Variants in COL5A2 observed in about 807,000 individuals in gnomAD.
The protein encoded by COL5A2 is collagen alpha-2(V) chain.
In COL5A2, 23 loss-of-function variants were observed where a neutral mutation model predicts 208.2. The observed-to-expected ratio is 0.11, with a 90% CI of 0.08 to 0.16. COL5A2 has a LOEUF of 0.16. Among genes scored for constraint, COL5A2 ranks in the 10% least tolerant of loss-of-function variants. The pLI, the probability that COL5A2 is intolerant of heterozygous loss-of-function variation, is 1.00. For synonymous variants in COL5A2, 625 were observed against 628.5 expected (o/e 0.99, Z 0.08); for missense variants, 1,590 against 1,956.4 (o/e 0.81, Z 3.53).
At chr2:189,375,762 C>T in the COL5A2 span, among the ~76,000 whole-genome samples, 12 of 152,148 alleles carry the variant, frequency 7.9e-5, no homozygotes, top group Admixed American at 1.3e-4. Context: ...ATTATTTAGA[C>T]ATCTGGAATT....
Position 189,060,787 on chromosome 2 carries a change from A to C in COL5A2, c.2032-4T>G. 6.2e-7 allele frequency: 1 copy of C among 1,612,444 alleles called. No homozygotes were observed. The highest frequency in any genetic ancestry group is 1.3e-5 in the African/African-American group (1 of 74,996). ...GCCCTGGAGGACCAGGAAGCCCCTA[A>C]AACAAAAGTAAGAAAATAAAATTGT... On this transcript the variant is annotated splice_region_variant and splice_polypyrimidine_tract_variant and intron_variant, in intron 30 of 53. Transcript: ENST00000374866.
chr2:189,098,301 T>C (rs1052884067), intron 5 of COL5A2, among the ~76,000 whole-genome samples: 6 of 152,234 alleles, frequency 3.9e-5, no homozygotes, highest in African/African-American at 7.2e-5. Flanking sequence ...TAATCTTTTA[T>C]ACTAAGCCAT....
In COL5A2 at chr2:189,034,027, G is replaced by T. The variant is rs760388119; in HGVS notation, c.*43C>A. 1.2e-6 allele frequency: 2 copies of T among 1,613,040 alleles called. No homozygotes were observed. The highest frequency in any genetic ancestry group is 1.7e-6 in the Non-Finnish European group (2 of 1,179,478). On this transcript the variant is annotated 3_prime_UTR_variant, in exon 54 of 54. Transcript: ENST00000374866. ...GTCAAAGTTCTTGTGAATGGCGGTG[G>T]TCATTGATGGTGGTGCTCATTGTCG...
chr2:189,063,755 G>A (rs1457746486), intron 26 of COL5A2, among the ~76,000 whole-genome samples: 1 of 152,046 alleles, frequency 6.6e-6, no homozygotes, highest in African/African-American at 2.4e-5. Flanking sequence ...CTGATGTCAG[G>A]CAGGGAAGCA....
the COL5A2 span, among the ~76,000 whole-genome samples, chr2:189,252,899 A>T: frequency 6.6e-6 from 1 of 152,194 alleles, no homozygotes; most frequent in Admixed American, 6.5e-5. Context: ...ATTGCAGATG[A>T]TGGGACTGTG....
At chr2:189,310,995 G>C in the COL5A2 span, among the ~76,000 whole-genome samples, 1 of 152,020 alleles carries the variant, frequency 6.6e-6, no homozygotes, top group Admixed American at 6.5e-5. Flanking sequence ...AGTTAGGAGT[G>C]GCTGGCTGGA....
At chr2:189,104,154 G>T in intron 3 of COL5A2, 110 bp downstream of exon 3, 1 of 802,828 alleles carries the variant, frequency 1.2e-6, no homozygotes, top group Non-Finnish European at 2.2e-6. Flanking sequence ...TATTTGTATG[G>T]TACTTTGTAC....
chr2:189,316,262 G>GA, the COL5A2 span, among the ~76,000 whole-genome samples: 1 of 152,154 alleles, frequency 6.6e-6, no homozygotes, highest in Non-Finnish European at 1.5e-5. Context: ...TATATACCAT[G>GA]AAATACTATG....
chr2:189,049,801 T>A (rs925196893), intron 43 of COL5A2, among the ~76,000 whole-genome samples: 12 of 152,306 alleles, frequency 7.9e-5, no homozygotes, highest in South Asian at 2.1e-4. Context: ...TTCATTTTAT[T>A]TCTATATTCT....
the COL5A2 span, among the ~76,000 whole-genome samples, chr2:189,308,621 T>C: frequency 1.3e-5 from 2 of 152,162 alleles, no homozygotes; most frequent in African/African-American, 4.8e-5. Context: ...GGAGGCTTTA[T>C]CTGCATGATA....
intron 1 of COL5A2, among the ~76,000 whole-genome samples, chr2:189,143,593 G>T (rs981597956): frequency 6.6e-6 from 1 of 152,072 alleles, no homozygotes; most frequent in African/African-American, 2.4e-5. Context: ...AATATCCATT[G>T]TGTCCATTAT....
the COL5A2 span, among the ~76,000 whole-genome samples, chr2:189,380,898 C>T: frequency 1.6e-4 from 24 of 151,862 alleles, no homozygotes; most frequent in Non-Finnish European, 3.2e-4. Flanking sequence ...AATATAATAT[C>T]TCTGAGTACT....
the COL5A2 span, among the ~76,000 whole-genome samples, chr2:189,290,651 A>G: frequency 6.6e-6 from 1 of 151,262 alleles, no homozygotes; most frequent in Non-Finnish European, 1.5e-5. Context: ...AACTTTTTCA[A>G]GTTTACCTGA....
the COL5A2 span, among the ~76,000 whole-genome samples, chr2:189,298,463 C>T: frequency 6.6e-6 from 1 of 152,160 alleles, no homozygotes; most frequent in Admixed American, 6.6e-5. Context: ...CTGCTGGGGT[C>T]CCCCTGACCA....
chr2:189,064,100 A>G (rs1686092788), intron 25 of COL5A2, 67 bp from the exon 26 acceptor site: 4 of 1,306,470 alleles, frequency 3.1e-6, no homozygotes, highest in Non-Finnish European at 2.2e-6. Context: ...TCTTAAGAGT[A>G]AAAATAGTGT....
the COL5A2 span, among the ~76,000 whole-genome samples, chr2:189,345,107 G>A: frequency 1.3e-5 from 2 of 152,204 alleles, no homozygotes; most frequent in African/African-American, 4.8e-5. Context: ...AGTCAATCAC[G>A]ACAGGTGAGA....
At chr2:189,392,371 T>C in the COL5A2 span, among the ~76,000 whole-genome samples, 32 of 152,226 alleles carry the variant, frequency 2.1e-4, no homozygotes, top group Non-Finnish European at 3.5e-4. Context: ...TCTATAGAAA[T>C]AGTTATGCTC....
intron 1 of COL5A2, among the ~76,000 whole-genome samples, chr2:189,125,813 T>C (rs116539399): frequency 1.9e-3 from 290 of 152,200 alleles, no homozygotes; most frequent in African/African-American, 6.6e-3. Context: ...ACTGCACAGG[T>C]TATTGGCGCC....
chr2:189,423,527 A>C, the COL5A2 span, among the ~76,000 whole-genome samples: 1 of 152,086 alleles, frequency 6.6e-6, no homozygotes, highest in South Asian at 2.1e-4. Flanking sequence ...AAAATTAGAA[A>C]TGAAACAAAA....
Sources: allele counts gnomAD v4.1 joint callset (sites outside exome capture counted in the v4.1 genomes callset), GRCh38; gene constraint gnomAD v4.1.1; transcripts MANE v1.5; gene names NCBI Gene and HGNC (gene_info 2026-07-23, HGNC 2026-07-21).